PCDH15: variants seen among roughly 807,000 people sequenced by gnomAD.
PCDH15 encodes the protein protocadherin-15.
A neutral mutation model predicts 178.5 loss-of-function variants in PCDH15; 129 were observed. The observed-to-expected ratio is 0.72, with a 90% CI of 0.63 to 0.84. The LOEUF is 0.84. Ranked by LOEUF, PCDH15 falls within the 40% of genes least tolerant of loss-of-function variation. The pLI, the probability that PCDH15 is intolerant of heterozygous loss-of-function variation, is 0.00. For missense variants in PCDH15, 2,230 were observed against 2,099.9 expected, an observed-to-expected ratio of 1.06 and a Z score of -1.21; for synonymous variants, 800 against 732.0, an observed-to-expected ratio of 1.09 and a Z score of -1.50.
At position 54,816,091 on chromosome 10, in the gene PCDH15, A is replaced by T. The variant is rs551985318; in HGVS notation, c.-29+81359T>A. ...ACCCCTGTGTTGTTAAGAGTCAACC[A>T]TACATTGCAAATATTTACATGTCTC... On this transcript the variant is annotated intron_variant, in intron 3 of 5. Coordinates refer to the PCDH15 transcript ENST00000458638. Among the ~76,000 whole-genome samples the T allele has an allele frequency of 5.3e-5, 8 of 152,232 alleles. No homozygotes were observed. In the South Asian group the frequency reaches 1.7e-3, roughly 32 times the overall value.
intron 16 of PCDH15, among the ~76,000 whole-genome samples, chr10:54,088,453 G>A (rs1009403441): frequency 1.3e-5 from 2 of 152,028 alleles, no homozygotes; most frequent in African/African-American, 4.8e-5. Flanking sequence ...CTTGAGACAT[G>A]TTTCACACCA....
intron 25 of PCDH15, among the ~76,000 whole-genome samples, chr10:53,923,228 T>C (rs1240138901): frequency 1.3e-5 from 2 of 152,196 alleles, no homozygotes; most frequent in Admixed American, 1.3e-4. Context: ...AATGATTTCC[T>C]CTAAACTGCT....
intron 28 of PCDH15, among the ~76,000 whole-genome samples, chr10:53,853,666 G>A (rs527910247): frequency 6.6e-6 from 1 of 152,084 alleles, no homozygotes; most frequent in South Asian, 2.1e-4. Flanking sequence ...CACCTGAAAA[G>A]ATGCTCATCA....
chr10:55,317,339 A>G (rs1157273176), intron 1 of PCDH15, among the ~76,000 whole-genome samples: 1 of 152,202 alleles, frequency 6.6e-6, no homozygotes, highest in East Asian at 1.9e-4. Flanking sequence ...TATTTCTTAC[A>G]TCAAAAAAAT....
intron 17 of PCDH15, among the ~76,000 whole-genome samples, chr10:54,078,421 A>T (rs1590276051): frequency 6.6e-6 from 1 of 152,152 alleles, no homozygotes; most frequent in Admixed American, 6.5e-5. Context: ...TAATAAATAC[A>T]TTATTATTGT....
chr10:55,020,866 T>A (rs1191056431), intron 2 of PCDH15, among the ~76,000 whole-genome samples: 2 of 152,190 alleles, frequency 1.3e-5, no homozygotes, highest in Non-Finnish European at 2.9e-5. Context: ...GTCATCTCTC[T>A]GCCCACCTCC....
chr10:54,569,552 T>C (rs2089505371), intron 2 of PCDH15, among the ~76,000 whole-genome samples: 1 of 152,110 alleles, frequency 6.6e-6, no homozygotes, highest in South Asian at 2.1e-4. Flanking sequence ...ATTAAGGAAG[T>C]TGGTGTTGGG....
In PCDH15 at chr10:54,020,180, T is replaced by C; in HGVS notation, c.2751+12A>G. On this transcript the variant is annotated intron_variant, in intron 20 of 37. Coordinates refer to ENST00000644397, the MANE Select transcript of PCDH15 (RefSeq NM_001384140.1). The stretch of plus-strand genomic sequence containing the variant: ...GCAAAGCAGGCAACCAGAAGTCATC[T>C]CTAGCCCTTACCTTTACAATCACTG... The C allele has an allele frequency of 6.2e-7, 1 of 1,612,240 alleles. No individual in the cohort carries two copies. The highest frequency in any genetic ancestry group is 8.5e-7 in the Non-Finnish European group (1 of 1,178,610).
intron 2 of PCDH15, among the ~76,000 whole-genome samples, chr10:55,125,163 T>TTGTGTGTGTGTGTGTGTGTGTG (rs34423359): frequency 1.0e-4 from 15 of 143,080 alleles, no homozygotes; most frequent in Admixed American, 3.5e-4. Flanking sequence ...TTTTTTTTAA[T>TTGTGTGTGTGTGTGTGTGTGTG]TGTGTGTGTG....
intron 8 of PCDH15, among the ~76,000 whole-genome samples, chr10:54,283,779 G>A (rs994968790): frequency 1.3e-5 from 2 of 152,086 alleles, no homozygotes; most frequent in Admixed American, 1.3e-4. Context: ...TACACCAGGA[G>A]AGCTGGAAGG....
intron 16 of PCDH15, among the ~76,000 whole-genome samples, chr10:54,086,366 C>T (rs753874282): frequency 6.6e-6 from 1 of 152,122 alleles, no homozygotes; most frequent in Non-Finnish European, 1.5e-5. Flanking sequence ...AGCGGTCTGC[C>T]TCCATGACCC....
At chr10:54,556,641 C>A (rs1286194816) in intron 2 of PCDH15, among the ~76,000 whole-genome samples, 1 of 129,106 alleles carries the variant, frequency 7.7e-6, no homozygotes, top group African/African-American at 2.9e-5. Context: ...TTTTTTTCGG[C>A]TGTAGGGGGT....
intron 2 of PCDH15, among the ~76,000 whole-genome samples, chr10:54,660,320 T>C (rs1253343439): frequency 1.3e-5 from 2 of 152,030 alleles, no homozygotes; most frequent in African/African-American, 2.4e-5. Context: ...AGAGTAATCA[T>C]GGTAGACTAT....
intron 1 of PCDH15, among the ~76,000 whole-genome samples, chr10:55,259,458 G>T (rs1184495877): frequency 6.6e-6 from 1 of 152,200 alleles, no homozygotes; most frequent in Non-Finnish European, 1.5e-5. Context: ...CCAGGCCACT[G>T]TGTAAGATGA....
chr10:54,180,344 A>C (rs1249807350), intron 13 of PCDH15, among the ~76,000 whole-genome samples: 1 of 152,216 alleles, frequency 6.6e-6, no homozygotes, highest in Non-Finnish European at 1.5e-5. Context: ...CCTTGCAGAC[A>C]GGGTAGATAC....
intron 3 of PCDH15, among the ~76,000 whole-genome samples, chr10:54,469,563 TG>T (rs1364243791): frequency 6.7e-6 from 1 of 149,492 alleles, no homozygotes; most frequent in Non-Finnish European, 1.5e-5. Context: ...GGCCATCAGG[TG>T]GGCCAGTCTT....
intron 18 of PCDH15, among the ~76,000 whole-genome samples, chr10:54,059,131 C>A (rs981622559): frequency 1.3e-5 from 2 of 152,152 alleles, no homozygotes; most frequent in Non-Finnish European, 2.9e-5. Context: ...TCAGCTCCAG[C>A]CTATGAGTGA....
intron 2 of PCDH15, among the ~76,000 whole-genome samples, chr10:55,497,063 G>A (rs1258740258): frequency 6.6e-6 from 1 of 151,706 alleles, no homozygotes; most frequent in African/African-American, 2.4e-5. Context: ...TAGAACAAAT[G>A]AATTTAAATA....
At chr10:54,066,985 A>G in intron 17 of PCDH15, 100 bp from the exon 18 acceptor site, 3 of 1,205,226 alleles carry the variant, frequency 2.5e-6, no homozygotes, top group Non-Finnish European at 3.6e-6. Flanking sequence ...AAAGCATCTC[A>G]TTTTTCTTTC....
Sources: gnomAD v4.1 joint callset for allele counts (sites outside exome capture counted in the v4.1 genomes callset) on GRCh38, gnomAD v4.1.1 for gene constraint, MANE v1.5 for transcripts, NCBI Gene and HGNC (gene_info 2026-07-23, HGNC 2026-07-21) for gene names.